Variants in DZIP1L observed in about 807,000 individuals in gnomAD.
The protein encoded by DZIP1L is DAZ interacting zinc finger protein 1 like, also known as cilium assembly protein DZIP1L.
In DZIP1L, 90 loss-of-function variants were observed where a neutral mutation model predicts 88.7. The ratio of observed to expected loss-of-function variants is 1.02; its 90% confidence interval spans 0.86 to 1.21. The LOEUF (loss-of-function observed/expected upper bound fraction) is 1.21. DZIP1L is among the 50% of genes most tolerant of loss of function. The pLI, the probability that DZIP1L is intolerant of heterozygous loss-of-function variation, is 0.00. For synonymous variants in DZIP1L, 363 were observed against 372.1 expected (o/e 0.98, Z 0.28); for missense variants, 932 against 955.8 (o/e 0.98, Z 0.33).
chr3:138,105,485 T>C (rs2042455391), intron 1 of DZIP1L, among the ~76,000 whole-genome samples: 1 of 152,108 alleles, frequency 6.6e-6, no homozygotes. Context: ...TGGTGTAGTA[T>C]TTGCATATAA....
intron 1 of DZIP1L, among the ~76,000 whole-genome samples, chr3:138,110,521 G>A (rs1450995955): frequency 2.6e-5 from 4 of 152,042 alleles, no homozygotes; most frequent in African/African-American, 7.2e-5. Context: ...TCCCTGCTAC[G>A]CTCACAGTCA....
chr3:138,084,135 A>G lies in DZIP1L; in HGVS notation c.1181T>C (p.Ile394Thr), dbSNP rs1285066638. The change falls in exon 8 of 16, where the codon ATC becomes ACC. Residue 394 changes from isoleucine (I) to threonine (T), a missense_variant. Coordinates refer to ENST00000327532, the MANE Select transcript of DZIP1L (RefSeq NM_173543.3). ...TACCATCTCCTCCTGGGAGGCAATGATCCTAGCTTGTTCCTGCAGCTGGGC... is the reference window on the plus strand; with the variant it reads ...TACCATCTCCTCCTGGGAGGCAATGGTCCTAGCTTGTTCCTGCAGCTGGGC... ...LRAQLQEQAR[I>T]IASQEEMIQS... The G allele has an allele frequency of 4.3e-6, 7 of 1,614,078 alleles. No individual in the cohort carries two copies. The highest frequency in any genetic ancestry group is 2.2e-5 in the South Asian group (2 of 91,076).
intron 1 of DZIP1L, among the ~76,000 whole-genome samples, chr3:138,111,749 C>T (rs566368806): frequency 1.3e-5 from 2 of 152,252 alleles, no homozygotes; most frequent in South Asian, 4.1e-4. Context: ...AATCCCAGCA[C>T]TTTGGGAGGC....
Position 138,090,147 on chromosome 3 carries a change from T to A in DZIP1L, c.871-1640A>T, listed in dbSNP as rs537493084. Among the ~76,000 whole-genome samples the A allele has an allele frequency of 6.0e-4, 90 of 150,786 alleles. No individual in the cohort carries two copies. The Middle Eastern group carries it at 0.01, about 17-fold the overall frequency. On this transcript the variant is annotated intron_variant, in intron 5 of 15. Coordinates refer to ENST00000327532, the MANE Select transcript of DZIP1L (RefSeq NM_173543.3). ...AGGGTGAGAACCCATCTTAAAAAAA[T>A]AAATAAATAAATAAATAAATAAAAT... is the stretch of plus-strand genomic sequence containing the variant.
At chr3:138,102,377 C>T in intron 2 of DZIP1L, 8 of 1,209,136 alleles carry the variant, frequency 6.6e-6, no homozygotes, top group Non-Finnish European at 9.7e-6. Flanking sequence ...TGATCTCATC[C>T]TCATACTTGT....
chr3:138,062,616 G>T lies in DZIP1L; in HGVS notation c.*200C>A. The T allele has an allele frequency of 1.8e-6, 1 of 554,994 alleles. No homozygotes were observed. The highest frequency in any genetic ancestry group is 3.1e-6 in the Non-Finnish European group (1 of 323,516). The allele number at this position is 554,994 out of a possible 1,614,324, so 34.4% of individuals were successfully genotyped here. ...TGGGGACCTAGGGGCTCCTAGTCAGGCACCTGTGGCCATCTACAGCAGGGC... is the reference window on the plus strand; with the variant it reads ...TGGGGACCTAGGGGCTCCTAGTCAGTCACCTGTGGCCATCTACAGCAGGGC... On this transcript the variant is annotated 3_prime_UTR_variant, in exon 16 of 16. Coordinates refer to ENST00000327532, the MANE Select transcript of DZIP1L (RefSeq NM_173543.3).
chr3:138,076,672 C>A (rs112533263), intron 11 of DZIP1L, among the ~76,000 whole-genome samples: 4,049 of 152,226 alleles, frequency 0.027, 167 homozygotes, highest in African/African-American at 0.092. Flanking sequence ...AACCAAACAT[C>A]GTATGTTCTC....
chr3:138,096,482 A>T (rs984735471), intron 3 of DZIP1L, among the ~76,000 whole-genome samples: 1 of 152,250 alleles, frequency 6.6e-6, no homozygotes, highest in African/African-American at 2.4e-5. Flanking sequence ...GGAAAATAAG[A>T]CATATTCTTA....
intron 11 of DZIP1L, 55 bp from the exon 12 acceptor site, chr3:138,071,890 C>T (rs1943198221): frequency 2.0e-6 from 3 of 1,517,232 alleles, no homozygotes; most frequent in Non-Finnish European, 1.8e-6. Context: ...CTTCTCCTTC[C>T]CCTAAGCCTC....
intron 11 of DZIP1L, among the ~76,000 whole-genome samples, chr3:138,076,198 A>T (rs1943399280): frequency 6.6e-6 from 1 of 152,204 alleles, no homozygotes; most frequent in Non-Finnish European, 1.5e-5. Context: ...AATGCAAATC[A>T]AAACCACAAT....
chr3:138,102,503 GT>G, intron 2 of DZIP1L: 1 of 1,329,224 alleles, frequency 7.5e-7, no homozygotes, highest in Non-Finnish European at 1.1e-6. Flanking sequence ...CTCTGAACAT[GT>G]TGTCCATGTT....
At chr3:138,080,973 G>C (rs369972568) in intron 9 of DZIP1L, among the ~76,000 whole-genome samples, 1 of 152,160 alleles carries the variant, frequency 6.6e-6, no homozygotes, top group East Asian at 1.9e-4. Flanking sequence ...CAATGGCTCT[G>C]CTCTAGCTCC....
Position 138,103,797 on chromosome 3 carries a change from T to C in DZIP1L, c.175A>G (p.Ile59Val). The C allele has an allele frequency of 1.9e-6, 3 of 1,614,128 alleles. No homozygotes were observed. The highest frequency in any genetic ancestry group is 2.5e-6 in the Non-Finnish European group (3 of 1,180,040). Residue 59 changes from isoleucine (I) to valine (V), a missense_variant, in exon 2 of 16, where the codon ATT becomes GTT. Physicochemically the swap from Ile to Val is conservative, Grantham distance 29. Coordinates refer to ENST00000327532, the MANE Select transcript of DZIP1L (RefSeq NM_173543.3). ...ELDVATLQENIAGITFCNLDR... is the reference protein window; with the variant it reads ...ELDVATLQENVAGITFCNLDR... ...AAGTTGCAGAAGGTGATGCCAGCAATATTCTCCTGCAGAGTGGCCACATCC... is the reference window on the plus strand; with the variant it reads ...AAGTTGCAGAAGGTGATGCCAGCAACATTCTCCTGCAGAGTGGCCACATCC...
chr3:138,066,384 G>A (rs1942901214), intron 14 of DZIP1L, among the ~76,000 whole-genome samples: 1 of 152,154 alleles, frequency 6.6e-6, no homozygotes, highest in Non-Finnish European at 1.5e-5. Flanking sequence ...AGACTATGGG[G>A]ATATTCTTAA....
At chr3:138,071,931 G>C in intron 11 of DZIP1L, 96 bp from the exon 12 acceptor site, 1 of 1,215,076 alleles carries the variant, frequency 8.2e-7, no homozygotes, top group Non-Finnish European at 1.1e-6. Context: ...CTGGGAGTCT[G>C]TGATCAGTGC....
At chr3:138,104,710 G>C (rs1261197490) in intron 1 of DZIP1L, among the ~76,000 whole-genome samples, 1 of 152,218 alleles carries the variant, frequency 6.6e-6, no homozygotes, top group Non-Finnish European at 1.5e-5. Context: ...AGGGGCTTAA[G>C]AGAGTTACGG....
At chr3:138,068,076 G>T in intron 13 of DZIP1L, 75 bp downstream of exon 13, 1 of 1,300,964 alleles carries the variant, frequency 7.7e-7, no homozygotes, top group Non-Finnish European at 1.0e-6. Context: ...AGCCTGGAGG[G>T]AGCCCAGAAC....
Position 138,068,432 on chromosome 3 carries a change from G to A in DZIP1L, c.1616-65C>T, listed in dbSNP as rs745571285. 237 of 1,284,324 alleles carry A rather than the reference G, an allele frequency of 1.8e-4. 1 individual carries two copies. The highest frequency in any genetic ancestry group is 2.3e-4 in the Non-Finnish European group (221 of 956,900). The allele number at this position is 1,284,324 out of a possible 1,614,324, so 79.6% of individuals were successfully genotyped here. A position where few individuals can be genotyped will look rare whatever the true frequency, so the allele number is the denominator to read the frequency against. ...TGCTGGATCTCAAGCCTAAGAGGAGGGAGAAAGTGGCTCCAACACCCTGGA... is the reference window on the plus strand; with the variant it reads ...TGCTGGATCTCAAGCCTAAGAGGAGAGAGAAAGTGGCTCCAACACCCTGGA... On this transcript the variant is annotated intron_variant, in intron 12 of 15. Transcript: ENST00000327532.
intron 2 of DZIP1L, chr3:138,102,001 C>G: frequency 6.5e-7 from 1 of 1,530,434 alleles, no homozygotes; most frequent in Non-Finnish European, 9.0e-7. Context: ...TCAGAGATCT[C>G]AGTCTTTGTA....
Sources: allele counts gnomAD v4.1 joint callset (sites outside exome capture counted in the v4.1 genomes callset), GRCh38; gene constraint gnomAD v4.1.1; transcripts MANE v1.5; gene names NCBI Gene and HGNC (gene_info 2026-07-23, HGNC 2026-07-21).